The following MGAT4C variants were observed in gnomAD, a reference collection of about 807,000 sequenced individuals.
MGAT4C encodes MGAT4 family member C.
In MGAT4C, 19 loss-of-function variants were observed where a neutral mutation model predicts 40.1. The ratio of observed to expected loss-of-function variants is 0.47; its 90% CI spans 0.33 to 0.70. MGAT4C has a LOEUF of 0.70. Among genes scored for constraint, MGAT4C ranks in the 30% least tolerant of loss-of-function variants. The probability of loss-of-function intolerance (pLI) is 0.02; values close to 1 mark genes in which losing one functional copy is unlikely to be tolerated. For synonymous variants in MGAT4C, 181 were observed against 187.1 expected (o/e 0.97, Z 0.27); for missense variants, 491 against 563.2 (o/e 0.87, Z 1.30).
chr12:86,526,140 G>C (rs776959917), intron 2 of MGAT4C, among the ~76,000 whole-genome samples: 2 of 152,140 alleles, frequency 1.3e-5, no homozygotes, highest in Non-Finnish European at 2.9e-5. Flanking sequence ...GTTGGGCAAG[G>C]GTGGTTGCTC....
At chr12:86,101,255 G>T (rs1335792924) in intron 1 of MGAT4C, among the ~76,000 whole-genome samples, 1 of 151,872 alleles carries the variant, frequency 6.6e-6, no homozygotes, top group East Asian at 1.9e-4. Flanking sequence ...AAGGGCTTAA[G>T]TAATATTTTG....
At chr12:86,100,959 C>T (rs1232700116) in intron 1 of MGAT4C, among the ~76,000 whole-genome samples, 1 of 151,656 alleles carries the variant, frequency 6.6e-6, no homozygotes, top group Non-Finnish European at 1.5e-5. Context: ...TAAACTACTG[C>T]ATAAAAATTA....
At position 86,551,251 on chromosome 12, in the gene MGAT4C, C is replaced by G. The variant is rs149504923; in HGVS notation, c.-228-115986G>C. Among the ~76,000 whole-genome samples, 46 of 152,344 alleles carry G rather than the reference C, an allele frequency of 3.0e-4. No homozygotes were observed. In the East Asian group the frequency reaches 8.7e-3, roughly 29 times the overall value. On this transcript the variant is annotated intron_variant, in intron 2 of 7. Coordinates refer to the MGAT4C transcript ENST00000548651. ...TGGTCAAGCCCTGAGGCTGGCCAAA[C>G]AGACTTATGACCATATCCCAGGCCT...
chr12:86,323,090 T>C (rs1316710417), intron 4 of MGAT4C, among the ~76,000 whole-genome samples: 1 of 151,330 alleles, frequency 6.6e-6, no homozygotes, highest in Non-Finnish European at 1.5e-5. Context: ...TACAGGAATT[T>C]GAAAGATCTC....
chr12:86,789,716 T>A (rs1016232425), intron 1 of MGAT4C, among the ~76,000 whole-genome samples: 3 of 152,140 alleles, frequency 2.0e-5, no homozygotes, highest in African/African-American at 7.2e-5. Context: ...TTTATAACAA[T>A]ATAATTGTGT....
rs1239335368 is a variant in MGAT4C, at chr12:86,832,450, GAA to G, written c.-262+6214_-262+6215del. On this transcript the variant is annotated intron_variant, in intron 1 of 7. Transcript: ENST00000548651. ...TACTCATTCAGCAAAATATTTTGAA[GAA>G]AAAAAGTCCTAAAAAGATAAGTCAC... Among the ~76,000 whole-genome samples, 4 of 151,374 alleles carry G rather than the reference GAA, an allele frequency of 2.6e-5. No homozygotes were observed. The East Asian group carries it at 7.8e-4, about 29-fold the overall frequency.
intron 1 of MGAT4C, among the ~76,000 whole-genome samples, chr12:86,728,591 C>T (rs182804698): frequency 2.3e-4 from 35 of 152,094 alleles, no homozygotes; most frequent in Middle Eastern, 3.4e-3. Flanking sequence ...CTCGGGAAAC[C>T]GAGGCAGGAG....
chr12:86,163,669 T>C (rs1885860615), intron 1 of MGAT4C, among the ~76,000 whole-genome samples: 1 of 152,204 alleles, frequency 6.6e-6, no homozygotes, highest in Non-Finnish European at 1.5e-5. Context: ...GATCATTCTC[T>C]ACATAAGAAT....
intron 4 of MGAT4C, among the ~76,000 whole-genome samples, chr12:86,305,150 C>T (rs1035697429): frequency 6.6e-6 from 1 of 150,408 alleles, no homozygotes; most frequent in African/African-American, 2.5e-5. Flanking sequence ...AGTTAAGAAA[C>T]GCTGTTAGGC....
intron 1 of MGAT4C, among the ~76,000 whole-genome samples, chr12:86,189,406 T>C (rs921011207): frequency 1.3e-5 from 2 of 151,552 alleles, no homozygotes; most frequent in African/African-American, 4.8e-5. Flanking sequence ...CCTCAACTTG[T>C]AAAAAAAATC....
chr12:86,091,871 A>AGAG (rs146805044), intron 1 of MGAT4C, among the ~76,000 whole-genome samples: 13,810 of 151,978 alleles, frequency 0.091, 1,913 homozygotes, highest in African/African-American at 0.3. Flanking sequence ...AGACATTACG[A>AGAG]GAGGAAAGCT....
In MGAT4C at chr12:86,292,120, A is replaced by G. The variant is rs145038632; in HGVS notation, c.-57+41945T>C. ...TGTTGTTACTGCTTGGAGGCAAACC[A>G]CTCAGGAAGGAATTAGCAACAGATG... is the stretch of plus-strand genomic sequence containing the variant. On this transcript the variant is annotated intron_variant, in intron 4 of 7. Transcript: ENST00000548651. Among the ~76,000 whole-genome samples, 939 of 152,176 alleles carry G rather than the reference A, an allele frequency of 6.2e-3. 7 individuals are homozygous for G. The highest frequency in any genetic ancestry group is 8.7e-3 in the Non-Finnish European group (593 of 68,002).
At chr12:86,801,731 C>T (rs558308239) in intron 1 of MGAT4C, among the ~76,000 whole-genome samples, 116 of 151,886 alleles carry the variant, frequency 7.6e-4, no homozygotes, top group Non-Finnish European at 1.4e-3. Flanking sequence ...TATTACCTTT[C>T]GAATGGAATT....
chr12:86,049,022 T>C (rs1892658440), intron 2 of MGAT4C, among the ~76,000 whole-genome samples: 1 of 152,030 alleles, frequency 6.6e-6, no homozygotes, highest in South Asian at 2.1e-4. Flanking sequence ...GACAATTCTT[T>C]ACTAAAGGAA....
chr12:86,170,877 C>G (rs1005319033), intron 1 of MGAT4C, among the ~76,000 whole-genome samples: 6 of 151,862 alleles, frequency 4.0e-5, no homozygotes, highest in African/African-American at 1.2e-4. Flanking sequence ...TGCTTGAGCC[C>G]AGGCTGGGCG....
Position 86,346,489 on chromosome 12 carries a change from T to C in MGAT4C, c.-119-12362A>G, listed in dbSNP as rs553323049. Among the ~76,000 whole-genome samples the C allele has an allele frequency of 3.3e-5, 5 of 152,322 alleles. No homozygotes were observed. In the South Asian group the frequency reaches 1.0e-3, roughly 32 times the overall value. On this transcript the variant is annotated intron_variant, in intron 3 of 7. Transcript: ENST00000548651. ...ATCTGCCCACCTCGGCCTCCCAAAGTGCTGGGATTACAGGTGTAAGCCACA... is the reference window on the plus strand; with the variant it reads ...ATCTGCCCACCTCGGCCTCCCAAAGCGCTGGGATTACAGGTGTAAGCCACA...
At chr12:86,834,505 T>C (rs542154868) in intron 1 of MGAT4C, among the ~76,000 whole-genome samples, 19 of 151,854 alleles carry the variant, frequency 1.3e-4, no homozygotes, top group African/African-American at 4.3e-4. Context: ...CATTAATATT[T>C]TTTACTGCTT....
chr12:86,768,339 A>T (rs371791536), intron 1 of MGAT4C, among the ~76,000 whole-genome samples: 34 of 152,172 alleles, frequency 2.2e-4, no homozygotes, highest in Non-Finnish European at 3.1e-4. Flanking sequence ...CAAGGAGAAC[A>T]ACAAACCACT....
intron 2 of MGAT4C, among the ~76,000 whole-genome samples, chr12:86,014,375 G>T (rs567687304): frequency 1.2e-4 from 19 of 152,264 alleles, no homozygotes; most frequent in African/African-American, 4.1e-4. Flanking sequence ...GAGAGATCTT[G>T]ATCCATTTCC....
Sources: allele counts gnomAD v4.1 joint callset (sites outside exome capture counted in the v4.1 genomes callset), GRCh38; gene constraint gnomAD v4.1.1; transcripts MANE v1.5; gene names NCBI Gene and HGNC (gene_info 2026-07-23, HGNC 2026-07-21).